The following ATIC variants were observed in gnomAD, a reference collection of about 807,000 sequenced individuals.
ATIC encodes bifunctional purine biosynthesis protein ATIC.
ATIC carries 64 observed loss-of-function variants against 72.5 expected under a neutral mutation model. That is an observed-to-expected ratio of 0.88 (90% CI 0.72 to 1.09). The LOEUF (loss-of-function observed/expected upper bound fraction) is 1.09. ATIC is among the 50% of genes least tolerant of loss of function. The pLI is 0.00. For synonymous variants in ATIC, 281 were observed against 267.1 expected, an observed-to-expected ratio of 1.05 and a Z score of -0.51; for missense variants, 787 against 732.4, an observed-to-expected ratio of 1.07 and a Z score of -0.86.
chr2:215,320,479 G>A (rs911236237), intron 4 of ATIC, among the ~76,000 whole-genome samples: 1 of 152,232 alleles, frequency 6.6e-6, no homozygotes, highest in African/African-American at 2.4e-5. Flanking sequence ...AATCACAGTG[G>A]AAAGCAGAGG....
chr2:215,318,349 T>A, intron 3 of ATIC, 116 bp downstream of exon 3: 1 of 1,016,068 alleles, frequency 9.8e-7, no homozygotes, highest in Non-Finnish European at 1.5e-6. Context: ...CATATAAAGT[T>A]AATGTTATGA....
intron 2 of ATIC, among the ~76,000 whole-genome samples, chr2:215,314,467 C>G (rs930368868): frequency 6.6e-6 from 1 of 151,772 alleles, no homozygotes; most frequent in Non-Finnish European, 1.5e-5. Flanking sequence ...GTAACTCGCT[C>G]GAGATTACAC....
chr2:215,354,277 G>A (rs1275156991), downstream of ATIC, among the ~76,000 whole-genome samples: 3 of 152,150 alleles, frequency 2.0e-5, no homozygotes, highest in East Asian at 1.9e-4. Context: ...TGATTTACCC[G>A]CCTCAGCCTC....
the ATIC span, among the ~76,000 whole-genome samples, chr2:215,357,193 C>T: frequency 1.3e-5 from 2 of 152,216 alleles, no homozygotes; most frequent in African/African-American, 4.8e-5. Flanking sequence ...CCAGCAGTCT[C>T]CTGGCAAAGG....
At chr2:215,333,550 T>C (rs1456943086) in intron 9 of ATIC, 93 bp downstream of exon 9, 1 of 918,178 alleles carries the variant, frequency 1.1e-6, no homozygotes, top group Non-Finnish European at 1.7e-6. Context: ...AGAAAAAATA[T>C]ATAGATATTC....
chr2:215,359,125 C>A, the ATIC span, among the ~76,000 whole-genome samples: 1 of 152,096 alleles, frequency 6.6e-6, no homozygotes, highest in Non-Finnish European at 1.5e-5. Flanking sequence ...CTCAAGCAAC[C>A]CTCCCACCTC....
the ATIC span, among the ~76,000 whole-genome samples, chr2:215,355,684 A>G: frequency 2.6e-5 from 4 of 152,238 alleles, no homozygotes; most frequent in African/African-American, 9.6e-5. Flanking sequence ...TGAAGTAGGC[A>G]TATAGAAAAG....
chr2:215,336,709 C>T (rs764435632), intron 11 of ATIC, among the ~76,000 whole-genome samples: 1 of 152,170 alleles, frequency 6.6e-6, no homozygotes. Context: ...TTTTAACTTA[C>T]CTAGACAGTC....
At chr2:215,313,420 G>T (rs2052676477) in intron 2 of ATIC, among the ~76,000 whole-genome samples, 1 of 152,134 alleles carries the variant, frequency 6.6e-6, no homozygotes, top group African/African-American at 2.4e-5. Context: ...AAGGGACTTA[G>T]AAATGATTAA....
In ATIC at chr2:215,335,900, C is replaced by T. The variant is rs528673263; in HGVS notation, c.1009-135C>T. 5.7e-5 allele frequency: 39 copies of T among 683,980 alleles called. No homozygotes were observed. In the African/African-American group the frequency reaches 5.8e-4, roughly 10 times the overall value. 42.4% of individuals were successfully genotyped at this position (683,980 alleles called of 1,614,324 possible). A position where few individuals can be genotyped will look rare whatever the true frequency, so the allele number is the denominator to read the frequency against. On this transcript the variant is annotated intron_variant, in intron 10 of 15. Transcript: ENST00000236959. ...AATAGATTTCTCTTTTCAAGTATAG[C>T]GTTAGCATTGTTTGTTGGAGGCAGA...
At chr2:215,341,819 G>A (rs1227602416) in intron 12 of ATIC, among the ~76,000 whole-genome samples, 1 of 152,140 alleles carries the variant, frequency 6.6e-6, no homozygotes, top group Non-Finnish European at 1.5e-5. Flanking sequence ...AGGATGCCAA[G>A]TGTATTAGTT....
chr2:215,367,087 A>T, the ATIC span, among the ~76,000 whole-genome samples: 5 of 152,186 alleles, frequency 3.3e-5, no homozygotes, highest in Admixed American at 2.0e-4. Context: ...TGATTTCTGT[A>T]TGTCTATAGG....
In ATIC at chr2:215,345,913, T is replaced by C. The variant is rs530242476; in HGVS notation, c.1321-846T>C. ...CAGACAGCTTAGGGGCTGTTCATTA[T>C]AGGAACTAAAACCAGAAAACACACC... On this transcript the variant is annotated intron_variant, in intron 13 of 15. Transcript: ENST00000236959. Among the ~76,000 whole-genome samples the C allele has an allele frequency of 3.3e-5, 5 of 152,318 alleles. No homozygotes were observed. In the South Asian group the frequency reaches 1.0e-3, roughly 32 times the overall value.
chr2:215,332,131 CGTGTGTGTGTGTGTGTGT>C (rs71044585), intron 7 of ATIC, among the ~76,000 whole-genome samples: 14 of 142,240 alleles, frequency 9.8e-5, no homozygotes, highest in Admixed American at 2.8e-4. Flanking sequence ...GTCCTCCAGT[CGTGTGTGTGTGTGTGTGT>C]GTGTGTGTGT....
the ATIC span, among the ~76,000 whole-genome samples, chr2:215,356,086 T>C: frequency 6.6e-6 from 1 of 152,348 alleles, no homozygotes; most frequent in Middle Eastern, 3.4e-3. Flanking sequence ...TCCCGCACTT[T>C]CAATTTGTAG....
At chr2:215,366,495 T>G in the ATIC span, among the ~76,000 whole-genome samples, 1 of 152,198 alleles carries the variant, frequency 6.6e-6, no homozygotes, top group East Asian at 1.9e-4. Flanking sequence ...TGCTAAATCA[T>G]TGGTTATTAT....
At chr2:215,356,137 A>G in the ATIC span, among the ~76,000 whole-genome samples, 2 of 152,254 alleles carry the variant, frequency 1.3e-5, no homozygotes, top group African/African-American at 4.8e-5. Flanking sequence ...AGTTGCTCTG[A>G]AGAGCAAATG....
rs554706858 is a variant in ATIC, at chr2:215,312,423, C to G, written c.20-75C>G. On this transcript the variant is annotated intron_variant, in intron 1 of 15. Coordinates refer to ENST00000236959, the MANE Select transcript of ATIC (RefSeq NM_004044.7). ...CCTTGCGATTCGAGAATCTCCTCCC[C>G]CAGACCCTCCCAAGGCCTTGCAGAA... 258 of 1,611,772 alleles carry G rather than the reference C, an allele frequency of 1.6e-4. 1 individual carries two copies. The South Asian group carries it at 2.7e-3, about 17-fold the overall frequency.
At chr2:215,364,859 C>T in the ATIC span, 39 of 1,503,838 alleles carry the variant, frequency 2.6e-5, no homozygotes, top group Non-Finnish European at 1.8e-6. Context: ...TTGTAGGGAG[C>T]CTGGCACATC....
Sources: allele counts gnomAD v4.1 joint callset (sites outside exome capture counted in the v4.1 genomes callset), GRCh38; gene constraint gnomAD v4.1.1; transcripts MANE v1.5; gene names NCBI Gene and HGNC (gene_info 2026-07-23, HGNC 2026-07-21).